KLHL12: variants seen among roughly 807,000 people sequenced by gnomAD.
KLHL12 encodes kelch like family member 12.
Under a neutral mutation model 60.8 loss-of-function variants are expected in KLHL12, and 17 were observed. The observed-to-expected ratio is 0.28, with a 90% CI of 0.19 to 0.42. The LOEUF (loss-of-function observed/expected upper bound fraction) is 0.42. KLHL12 is among the 10% of genes least tolerant of loss of function. KLHL12 has a pLI of 1.00. For missense variants in KLHL12, 468 were observed against 722.3 expected (o/e 0.65, Z 4.04); for synonymous variants, 220 against 250.9 (o/e 0.88, Z 1.16).
chr1:202,912,667 G>A (rs1014571293), intron 4 of KLHL12: 18 of 1,297,488 alleles, frequency 1.4e-5, no homozygotes, highest in East Asian at 4.6e-5. Context: ...GCCAAACCAC[G>A]AAACCAAGGT....
chr1:202,925,320 C>T (rs532727076), intron 1 of KLHL12, 113 bp from the exon 2 acceptor site: 38 of 1,292,570 alleles, frequency 2.9e-5, no homozygotes, highest in Non-Finnish European at 3.9e-5. Flanking sequence ...CCCAAACATA[C>T]ACAAGTTGAG....
chr1:202,907,623 TTA>T (rs781610552), intron 6 of KLHL12, among the ~76,000 whole-genome samples: 9 of 128,938 alleles, frequency 7.0e-5, no homozygotes, highest in African/African-American at 1.8e-4. Flanking sequence ...AGGAAAAAAA[TTA>T]TATATATATA....
chr1:202,926,253 G>A (rs1199779035), intron 1 of KLHL12, among the ~76,000 whole-genome samples: 3 of 152,070 alleles, frequency 2.0e-5, no homozygotes, highest in African/African-American at 7.2e-5. Context: ...ATCTGTGAAT[G>A]TCCATTACTG....
At chr1:202,903,143 G>A (rs968314309) in intron 6 of KLHL12, among the ~76,000 whole-genome samples, 2 of 110,396 alleles carry the variant, frequency 1.8e-5, no homozygotes, top group African/African-American at 7.3e-5. Context: ...CTAGGAGCCA[G>A]AGTGAGACCT....
upstream of KLHL12, among the ~76,000 whole-genome samples, chr1:202,928,051 G>A (rs1245837302): frequency 2.0e-5 from 3 of 151,100 alleles, no homozygotes; most frequent in South Asian, 4.2e-4. Flanking sequence ...AGGCCGAGAC[G>A]GGTGGATCAC....
chr1:202,927,511 C>G (rs115925312), upstream of KLHL12, among the ~76,000 whole-genome samples: 2,033 of 38,322 alleles, frequency 0.053, 25 homozygotes, highest in Non-Finnish European at 0.1. Flanking sequence ...GGCAAAACCC[C>G]GTTTCTACAA....
chr1:202,921,513 G>C (rs909634644), intron 2 of KLHL12, among the ~76,000 whole-genome samples: 2 of 152,156 alleles, frequency 1.3e-5, no homozygotes. Flanking sequence ...AGAACATGCA[G>C]GTCATCCTAA....
At chr1:202,921,018 T>C (rs2102455929) in intron 2 of KLHL12, among the ~76,000 whole-genome samples, 1 of 152,082 alleles carries the variant, frequency 6.6e-6, no homozygotes, top group East Asian at 1.9e-4. Flanking sequence ...TACTTTTTTT[T>C]CCCCTTTGTT....
intron 4 of KLHL12, among the ~76,000 whole-genome samples, chr1:202,917,183 C>T (rs1660547331): frequency 6.6e-6 from 1 of 152,144 alleles, no homozygotes; most frequent in Non-Finnish European, 1.5e-5. Flanking sequence ...CTGCCTGGCA[C>T]AGGTAGTATC....
At chr1:202,907,573 G>C (rs1003108847) in intron 6 of KLHL12, among the ~76,000 whole-genome samples, 4 of 146,166 alleles carry the variant, frequency 2.7e-5, no homozygotes, top group African/African-American at 1.0e-4. Context: ...ACTCCAGTCT[G>C]GGTGACAGAG....
At chr1:202,924,814 A>G (rs1653445811) in intron 2 of KLHL12, among the ~76,000 whole-genome samples, 154 bp downstream of exon 2, 1 of 152,194 alleles carries the variant, frequency 6.6e-6, no homozygotes, top group African/African-American at 2.4e-5. Flanking sequence ...AAACTAAGGC[A>G]TAGTCATCTA....
In KLHL12 at chr1:202,918,347, C is replaced by CTTTT; in HGVS notation, c.390_391insAAAA (p.Asp131LysfsTer5). 6.2e-7 allele frequency: 1 copy of CTTTT among 1,614,156 alleles called. No homozygotes were observed. The highest frequency in any genetic ancestry group is 2.2e-5 in the East Asian group (1 of 44,878). On this transcript the variant is annotated frameshift_variant, in exon 4 of 12. Transcript: ENST00000367261. LOFTEE classifies it high-confidence loss of function. ...CTAATACCCAGGCAATTAGAAGGGT[C>CTTTT]CAACTGACTTTCTAAGAACTCACAG...
At chr1:202,928,569 G>C (rs1416358694), upstream of KLHL12, 6 of 1,297,406 alleles carry the variant, frequency 4.6e-6, no homozygotes, top group Non-Finnish European at 6.1e-6. Flanking sequence ...TGGCCTTTTC[G>C]GGCCGAACAA....
rs1660634544 is a variant in KLHL12 at position 202,919,918 on chromosome 1, C to A, written c.196-10G>T. The A allele has an allele frequency of 2.5e-6, 4 of 1,610,666 alleles. No individual in the cohort carries two copies. Among genetic ancestry groups the A allele is most frequent in the Non-Finnish European group, 3.4e-6 (4 of 1,177,494 alleles). ...TCCCCTTCTCTGAGAGCTGAAAATT[C>A]AAAAGGTATAAAAGAATGATGGTTA... On this transcript the variant is annotated splice_polypyrimidine_tract_variant and intron_variant, in intron 2 of 11. Coordinates refer to ENST00000367261, the MANE Select transcript of KLHL12 (RefSeq NM_021633.4).
At chr1:202,904,724 GA>G (rs1472404918) in intron 6 of KLHL12, among the ~76,000 whole-genome samples, 1 of 152,202 alleles carries the variant, frequency 6.6e-6, no homozygotes, top group East Asian at 1.9e-4. Flanking sequence ...AGGGGAAGGG[GA>G]GTGTGTGTGT....
At chr1:202,903,710 C>T (rs980891980) in intron 6 of KLHL12, among the ~76,000 whole-genome samples, 2 of 144,200 alleles carry the variant, frequency 1.4e-5, no homozygotes, top group Admixed American at 7.5e-5. Context: ...GCAACCTCTG[C>T]CTCCTGGGCT....
chr1:202,926,500 A>G (rs541234397), intron 1 of KLHL12, among the ~76,000 whole-genome samples: 15 of 152,194 alleles, frequency 9.9e-5, no homozygotes, highest in Non-Finnish European at 2.1e-4. Context: ...TCATCAAAGC[A>G]TATGTTTTTC....
chr1:202,927,833 T>G (rs537256615), upstream of KLHL12, among the ~76,000 whole-genome samples: 1 of 148,556 alleles, frequency 6.7e-6, no homozygotes, highest in African/African-American at 2.5e-5. Context: ...TACAAAAAAA[T>G]TAGCCGGGCG....
intron 4 of KLHL12, among the ~76,000 whole-genome samples, chr1:202,913,273 G>A (rs1457887968): frequency 6.6e-6 from 1 of 152,098 alleles, no homozygotes; most frequent in African/African-American, 2.4e-5. Flanking sequence ...TAACACCTAG[G>A]ACTTCCCAAA....
Sources: gnomAD v4.1 joint callset for allele counts (sites outside exome capture counted in the v4.1 genomes callset) on GRCh38, gnomAD v4.1.1 for gene constraint, MANE v1.5 for transcripts, NCBI Gene and HGNC (gene_info 2026-07-23, HGNC 2026-07-21) for gene names.